Variants in VWF observed in about 807,000 individuals in gnomAD.
VWF encodes Factor VIII related antigen.
VWF carries 176 observed loss-of-function variants against 308.6 expected under a neutral mutation model. The ratio of observed to expected loss-of-function variants is 0.57; its 90% CI spans 0.50 to 0.65. The LOEUF (loss-of-function observed/expected upper bound fraction) is 0.65. Among genes scored for constraint, VWF ranks in the 30% least tolerant of loss-of-function variants. The probability of loss-of-function intolerance (pLI) is 0.00; values close to 1 mark genes in which losing one functional copy is unlikely to be tolerated. For missense variants in VWF, 3,146 were observed against 3,648.2 expected (o/e 0.86, Z 3.55); for synonymous variants, 1,385 against 1,443.4 (o/e 0.96, Z 0.92).
At chr12:5,983,058 C>A (rs1048540014) in intron 41 of VWF, 92 bp downstream of exon 41, 1 of 1,281,270 alleles carries the variant, frequency 7.8e-7, no homozygotes, top group African/African-American at 1.5e-5. Flanking sequence ...CAGGAAATGA[C>A]GTGATCTTGG....
chr12:6,117,527 C>A lies in VWF; in HGVS notation c.220+3647G>T, dbSNP rs190139189. On this transcript the variant is annotated intron_variant, in intron 3 of 51. Coordinates refer to ENST00000261405, the MANE Select transcript of VWF (RefSeq NM_000552.5). ...GCTAAGCAGTCACATTTTCAGATAA[C>A]CTGTCTCCCTTGATGCTCACAGTAT... 3.9e-5 allele frequency among the ~76,000 whole-genome samples: 6 copies of A among 152,346 alleles called. No individual in the cohort carries two copies. The East Asian group carries it at 1.2e-3, about 29-fold the overall frequency.
At chr12:6,011,023 T>C (rs1943987418) in intron 34 of VWF, among the ~76,000 whole-genome samples, 1 of 152,204 alleles carries the variant, frequency 6.6e-6, no homozygotes, top group African/African-American at 2.4e-5. Flanking sequence ...ACAGTTTTGA[T>C]TGCATCCCAC....
chr12:5,991,849 C>G lies in VWF; in HGVS notation c.6768G>C (p.Gln2256His), dbSNP rs200300292. The change falls in exon 38 of 52, where the codon CAG becomes CAC. Residue 2256 changes from glutamine (Q) to histidine (H), a missense_variant. Gln to His is a conservative substitution (Grantham distance 24). Around this residue, in one of 3 missense-constraint regions of VWF, gnomAD observed 989 missense variants for 1,117.4 expected, o/e 0.89. Coordinates refer to ENST00000261405, the MANE Select transcript of VWF (RefSeq NM_000552.5). The stretch of plus-strand genomic sequence containing the variant: ...GCTGGACTCCATCCTCACCAATGCA[C>G]TGAGTGCAGGCCTCTTCAGGGACAC... ...GSCVPEEACT[Q>H]CIGEDGVQHQ... The G allele has an allele frequency of 6.9e-5, 111 of 1,614,236 alleles. No homozygotes were observed. The highest frequency in any genetic ancestry group is 9.1e-5 in the Non-Finnish European group (107 of 1,180,044).
At chr12:5,955,400 A>C (rs1943236800) in intron 47 of VWF, among the ~76,000 whole-genome samples, 1 of 149,820 alleles carries the variant, frequency 6.7e-6, no homozygotes. Flanking sequence ...CCAGAGTGTG[A>C]TGTTCCCCTT....
intron 16 of VWF, among the ~76,000 whole-genome samples, chr12:6,051,500 T>C (rs1944511554): frequency 6.6e-6 from 1 of 152,162 alleles, no homozygotes; most frequent in Non-Finnish European, 1.5e-5. Flanking sequence ...GGTCTCGATC[T>C]ACTGACCTCG....
chr12:6,102,314 T>C (rs1265597117), intron 5 of VWF, among the ~76,000 whole-genome samples: 1 of 152,130 alleles, frequency 6.6e-6, no homozygotes, highest in Non-Finnish European at 1.5e-5. Flanking sequence ...TGGTGATGTG[T>C]GCCTGTAATC....
chr12:6,047,712 T>C (rs895814701), intron 16 of VWF, among the ~76,000 whole-genome samples: 3 of 152,274 alleles, frequency 2.0e-5, no homozygotes, highest in African/African-American at 7.2e-5. Context: ...TCACATAGCA[T>C]GCTGTGTTTT....
intron 18 of VWF, among the ~76,000 whole-genome samples, chr12:6,043,830 T>C (rs1330441938): frequency 6.6e-6 from 1 of 152,244 alleles, no homozygotes; most frequent in Non-Finnish European, 1.5e-5. Context: ...GTTGGGCCCA[T>C]GGCTTGCTAG....
At chr12:5,965,306 C>A (rs73049469) in intron 47 of VWF, among the ~76,000 whole-genome samples, 20,836 of 152,180 alleles carry the variant, frequency 0.14, 1,553 homozygotes, top group South Asian at 0.19. Context: ...CTCAGGGCCC[C>A]TTTCCATGTA....
Position 5,967,484 on chromosome 12 carries a change from A to T in VWF, c.7887+2T>A, listed in dbSNP as rs113814258. On this transcript the variant is annotated splice_donor_variant, in intron 47 of 51. Transcript: ENST00000261405. LOFTEE classifies it high-confidence loss of function. The stretch of plus-strand genomic sequence containing the variant: ...CCTCGGTCCCCATTGAGCCTCTCTT[A>T]CCAGGGGGCAGGGGTTGCAGGTGGT... The T allele has an allele frequency of 3.8e-5, 62 of 1,613,872 alleles. No homozygotes were observed. The highest frequency in any genetic ancestry group is 5.0e-5 in the Non-Finnish European group (59 of 1,179,924).
chr12:6,110,297 T>C lies in VWF; in HGVS notation c.532+77A>G, dbSNP rs1209151263. 1.4e-5 allele frequency: 21 copies of C among 1,468,464 alleles called. No homozygotes were observed. In the Admixed American group the frequency reaches 2.5e-4, roughly 18 times the overall value. 91.0% of individuals were successfully genotyped at this position (1,468,464 alleles called of 1,614,324 possible). On this transcript the variant is annotated intron_variant, in intron 5 of 51. Transcript: ENST00000261405. ...TGAGGCTTGAATGCCAGGGAAGGCA[T>C]GTTAGTGAAGGTTTATGAGCAAGGA... is the stretch of plus-strand genomic sequence containing the variant.
chr12:6,001,594 G>T (rs1206895498), intron 34 of VWF, among the ~76,000 whole-genome samples: 1 of 152,140 alleles, frequency 6.6e-6, no homozygotes, highest in East Asian at 1.9e-4. Context: ...CATCTTCATA[G>T]AGCAAAAACT....
At chr12:5,973,557 G>A (rs1372977862) in intron 43 of VWF, among the ~76,000 whole-genome samples, 1 of 152,160 alleles carries the variant, frequency 6.6e-6, no homozygotes, top group African/African-American at 2.4e-5. Flanking sequence ...CAACACTGGA[G>A]TTGCGGGTTG....
At chr12:5,997,493 C>T (rs1391024104) in intron 34 of VWF, among the ~76,000 whole-genome samples, 1 of 152,214 alleles carries the variant, frequency 6.6e-6, no homozygotes, top group Non-Finnish European at 1.5e-5. Context: ...TTCTGTTTCA[C>T]TTGCTTGCAC....
chr12:5,978,097 G>C (rs967695889), intron 42 of VWF, among the ~76,000 whole-genome samples: 1 of 149,174 alleles, frequency 6.7e-6, no homozygotes, highest in Non-Finnish European at 1.5e-5. Context: ...ATATTAACTA[G>C]ATATCGTCAG....
intron 5 of VWF, among the ~76,000 whole-genome samples, chr12:6,107,816 A>G (rs1088313): frequency 6.6e-6 from 1 of 151,694 alleles, no homozygotes; most frequent in Non-Finnish European, 1.5e-5. Flanking sequence ...CTGCCACCAC[A>G]CCTGGCTCAT....
chr12:6,032,076 C>T lies in VWF; in HGVS notation c.2686-498G>A, dbSNP rs536351153. On this transcript the variant is annotated intron_variant, in intron 20 of 51. Coordinates refer to ENST00000261405, the MANE Select transcript of VWF (RefSeq NM_000552.5). ...CTCCATGGGTCCTGAGCTACCAAGTCGAGATGAGTAGAGAGGATAAGGAGC... is the reference window on the plus strand; with the variant it reads ...CTCCATGGGTCCTGAGCTACCAAGTTGAGATGAGTAGAGAGGATAAGGAGC... Among the ~76,000 whole-genome samples the T allele has an allele frequency of 3.3e-5, 5 of 152,178 alleles. No individual in the cohort carries two copies. In the South Asian group the frequency reaches 8.3e-4, roughly 25 times the overall value.
chr12:6,034,712 C>T lies in VWF; in HGVS notation c.2661G>A (p.Gly887=). The change falls in exon 20 of 52, where the codon GGG becomes GGA. Residue 887 remains glycine, a synonymous_variant. Transcript: ENST00000261405. The part of the protein sequence containing the change: ...TFDGLKYLFP[G]ECQYVLVQDY... The stretch of plus-strand genomic sequence containing the variant: ...CCTGCACCAGAACGTACTGGCACTC[C>T]CCGGGGAACAGGTATTTGAGCCCGT... The T allele has an allele frequency of 6.2e-7, 1 of 1,614,132 alleles. No individual in the cohort carries two copies. The highest frequency in any genetic ancestry group is 8.5e-7 in the Non-Finnish European group (1 of 1,180,000).
At position 5,983,363 on chromosome 12, in the gene VWF, GT is replaced by G. The variant is rs2136372870; in HGVS notation, c.6977-110del. On this transcript the variant is annotated intron_variant, in intron 40 of 51. Coordinates refer to ENST00000261405, the MANE Select transcript of VWF (RefSeq NM_000552.5). Reference sequence around the variant, plus strand: ...TTCATGCAGACTTCTACTGTTTTAGGTAAGTGATGATGATGGAGACAGAGAT... The same window carrying G: ...TTCATGCAGACTTCTACTGTTTTAGGAAGTGATGATGATGGAGACAGAGAT... 3.8e-6 allele frequency: 4 copies of G among 1,065,448 alleles called. No individual in the cohort carries two copies. The Admixed American group carries it at 8.1e-5, about 21-fold the overall frequency. 66.0% of individuals were successfully genotyped at this position (1,065,448 alleles called of 1,614,324 possible).
Sources: gnomAD v4.1 joint callset for allele counts (sites outside exome capture counted in the v4.1 genomes callset) on GRCh38, gnomAD v4.1.1 for gene constraint, gnomAD v4.1.1 regional missense constraint, MANE v1.5 for transcripts, NCBI Gene and HGNC (gene_info 2026-07-23, HGNC 2026-07-21) for gene names.